The following TCEAL8 variants were observed in gnomAD, a reference collection of about 807,000 sequenced individuals.
The protein encoded by TCEAL8 is transcription elongation factor A like 8.
For synonymous variants in TCEAL8, 41 were observed against 29.6 expected (o/e 1.38, Z -1.25); for missense variants, 78 against 92.0 (o/e 0.85, Z 0.62).
chrX:103,254,984 A>G, intron 1 of TCEAL8, 94 bp downstream of exon 1: 1 of 110,957 alleles, frequency 9.0e-6, no homozygotes, highest in Non-Finnish European at 1.9e-5. Context: ...TTGGCGGAAC[A>G]GAAGTGGGGA....
At position 103,253,944 on chromosome X, in the gene TCEAL8, TG is replaced by T; in HGVS notation, c.35del (p.Pro12HisfsTer31). On this transcript the variant is annotated frameshift_variant, in exon 3 of 3. Coordinates refer to ENST00000372685, the MANE Select transcript of TCEAL8 (RefSeq NM_153333.3). LOFTEE classifies it high-confidence loss of function. ...CTTCCTCGGCCTTTGGCATGTTCTGTGGTTTTCCCTCATTTTCTTCACAAGA... is the reference window on the plus strand; with the variant it reads ...CTTCCTCGGCCTTTGGCATGTTCTGTGTTTTCCCTCATTTTCTTCACAAGA... Reference protein sequence around the residue: ...QKSCEENEGKPQNMPKAEEDR... With the variant: ...QKSCEENEGKXQNMPKAEEDR... 8.3e-7 allele frequency: 1 copy of T among 1,206,437 alleles called. No individual in the cohort carries two copies. Among genetic ancestry groups the T allele is most frequent in the Non-Finnish European group, 1.1e-6 (1 of 892,619 alleles).
At chrX:103,254,457 C>T (rs1263366656) in intron 2 of TCEAL8, 148 bp downstream of exon 2, 1 of 115,331 alleles carries the variant, frequency 8.7e-6, no homozygotes, top group Non-Finnish European at 1.8e-5. Flanking sequence ...TCCCCCGCCT[C>T]ATTTCCGCTG....
chrX:103,254,903 A>T (rs1198760992), intron 1 of TCEAL8, among the ~76,000 whole-genome samples, 175 bp downstream of exon 1: 2 of 110,140 alleles, frequency 1.8e-5, no homozygotes, highest in African/African-American at 6.6e-5. Context: ...ACCCTTAATT[A>T]GCTACCCTTC....
chrX:103,253,784 G>A lies in TCEAL8; in HGVS notation c.196C>T (p.Pro66Ser), dbSNP rs1220370012. The part of the protein sequence containing the change: ...QPGQGFKEDT[P>S]VRHLDPEEMI... ...TCTTCAGGGTCCAAATGCCTAACGG[G>A]TGTGTCCTCTTTAAATCCCTGGCCA... The change falls in exon 3 of 3, where the codon CCC becomes TCC. Residue 66 changes from proline to serine, a missense_variant. Physicochemically the swap from Pro to Ser is moderately conservative, Grantham distance 74 (BLOSUM62 -1). Coordinates refer to ENST00000372685, the MANE Select transcript of TCEAL8 (RefSeq NM_153333.3). The A allele has an allele frequency of 8.3e-7, 1 of 1,210,177 alleles. No individual in the cohort carries two copies. The highest frequency in any genetic ancestry group is 1.7e-5 in the African/African-American group (1 of 57,144).
chrX:103,254,026 C>T lies in TCEAL8; in HGVS notation c.-38-9G>A. 9.3e-7 allele frequency: 1 copy of T among 1,078,422 alleles called. No homozygotes were observed. The allele number at this position is 1,078,422 out of a possible 1,213,427, so 88.9% of individuals were successfully genotyped here. A position where few individuals can be genotyped will look rare whatever the true frequency, so the allele number is the denominator to read the frequency against. On this transcript the variant is annotated splice_polypyrimidine_tract_variant and intron_variant, in intron 2 of 2. Coordinates refer to ENST00000372685, the MANE Select transcript of TCEAL8 (RefSeq NM_153333.3). ...TTTTGAATAAATTAATCCTAGAAAA[C>T]AAGGAAACAAAACTACTAGATTCCA...
At position 103,253,353 on chromosome X, in the gene TCEAL8, T is replaced by C. The variant is rs1036584263; in HGVS notation, c.*273A>G. 5.8e-6 allele frequency: 2 copies of C among 343,727 alleles called. No individual in the cohort carries two copies. The highest frequency in any genetic ancestry group is 1.0e-5 in the Non-Finnish European group (2 of 199,927). The allele number at this position is 343,727 out of a possible 1,213,427, so 28.3% of individuals were successfully genotyped here. A position where few individuals can be genotyped will look rare whatever the true frequency, so the allele number is the denominator to read the frequency against. ...ATTTTATCCTACATATGTGAGCTGA[T>C]ATTAAATATGCTGCTTTGCCATAAC... is the stretch of plus-strand genomic sequence containing the variant. On this transcript the variant is annotated 3_prime_UTR_variant, in exon 3 of 3. Transcript: ENST00000372685.
chrX:103,253,814 G>C lies in TCEAL8; in HGVS notation c.166C>G (p.Gln56Glu), dbSNP rs1925165197. The change falls in exon 3 of 3, where the codon CAG becomes GAG. Residue 56 changes from glutamine (Q) to glutamate (E), a missense_variant. Physicochemically the swap from Gln to Glu is conservative, Grantham distance 29 (BLOSUM62 2). Coordinates refer to ENST00000372685, the MANE Select transcript of TCEAL8 (RefSeq NM_153333.3). ...TCCTCTTTAAATCCCTGGCCAGGCTGATTCGGCCCTCCTCTGGGGTTTCCT... is the reference window on the plus strand; with the variant it reads ...TCCTCTTTAAATCCCTGGCCAGGCTCATTCGGCCCTCCTCTGGGGTTTCCT... ...AEGNPRGGPN[Q>E]PGQGFKEDTP... 8.3e-7 allele frequency: 1 copy of C among 1,210,352 alleles called. No individual in the cohort carries two copies. Among genetic ancestry groups the C allele is most frequent in the Admixed American group, 2.2e-5 (1 of 45,853 alleles).
In TCEAL8 at chrX:103,253,035, T is replaced by C. The variant is rs1925144267; in HGVS notation, c.*591A>G. On this transcript the variant is annotated 3_prime_UTR_variant, in exon 3 of 3. Transcript: ENST00000372685. The stretch of plus-strand genomic sequence containing the variant: ...CCAGTTTATTCCTCTGGCTAAGAGA[T>C]CCAGAGGTAATTTGAGGTTTACATT... 1 of 121,744 alleles carries C rather than the reference T, an allele frequency of 8.2e-6. No homozygotes were observed. Among genetic ancestry groups the C allele is most frequent in the African/African-American group, 3.2e-5 (1 of 30,785 alleles). 10.0% of individuals were successfully genotyped at this position (121,744 alleles called of 1,213,427 possible).
chrX:103,254,966 A>G (rs1602953095), intron 1 of TCEAL8, 112 bp downstream of exon 1: 4 of 110,542 alleles, frequency 3.6e-5, no homozygotes, highest in South Asian at 4.0e-4. Context: ...CCTGCACAAA[A>G]TGGGAGTTTG....
chrX:103,253,539 A>G lies in TCEAL8; in HGVS notation c.*87T>C. 3.8e-6 allele frequency: 3 copies of G among 798,255 alleles called. No homozygotes were observed. The East Asian group carries it at 1.0e-4, about 27-fold the overall frequency. 65.8% of individuals were successfully genotyped at this position (798,255 alleles called of 1,213,427 possible). The stretch of plus-strand genomic sequence containing the variant: ...TAAAACAAAATTTCATCAGATGATT[A>G]AAAGTAAAATGGAGGTCAAAGATAC... On this transcript the variant is annotated 3_prime_UTR_variant, in exon 3 of 3. Coordinates refer to ENST00000372685, the MANE Select transcript of TCEAL8 (RefSeq NM_153333.3).
In TCEAL8 at chrX:103,253,465, T is replaced by A; in HGVS notation, c.*161A>T. The A allele has an allele frequency of 2.3e-6, 1 of 426,300 alleles. No homozygotes were observed. The highest frequency in any genetic ancestry group is 3.8e-5 in the East Asian group (1 of 26,187). 35.1% of individuals were successfully genotyped at this position (426,300 alleles called of 1,213,427 possible). ...CCAATTGAAAAATAGACCTGGAAAATGGGTCAAAATCCAAAATCCAATGAG... is the reference window on the plus strand; with the variant it reads ...CCAATTGAAAAATAGACCTGGAAAAAGGGTCAAAATCCAAAATCCAATGAG... On this transcript the variant is annotated 3_prime_UTR_variant, in exon 3 of 3. Transcript: ENST00000372685.
chrX:103,253,863 T>C lies in TCEAL8; in HGVS notation c.117A>G (p.Glu39=), dbSNP rs1925168336. 1 of 1,210,924 alleles carries C rather than the reference T, an allele frequency of 8.3e-7. No homozygotes were observed. Among genetic ancestry groups the C allele is most frequent in the African/African-American group, 1.7e-5 (1 of 57,445 alleles). The part of the protein sequence containing the change: ...QEAEGNPQPS[E]EGVSQEAEGN... ...CTTCTGCTTCCTGGCTTACGCCTTC[T>C]TCGGAAGGTTGAGGATTTCCTTCTG... Residue 39 remains glutamate, a synonymous_variant, in exon 3 of 3, where the codon GAA becomes GAG. Coordinates refer to ENST00000372685, the MANE Select transcript of TCEAL8 (RefSeq NM_153333.3).
rs1171066308 is a variant in TCEAL8, at chrX:103,253,769, C to T, written c.211G>A (p.Asp71Asn). 4.1e-6 allele frequency: 5 copies of T among 1,212,028 alleles called. No individual in the cohort carries two copies. Among genetic ancestry groups the T allele is most frequent in the Non-Finnish European group, 5.6e-6 (5 of 895,572 alleles). The change falls in exon 3 of 3, where the codon GAC (aspartate) becomes AAC (asparagine). Residue 71 changes from aspartate to asparagine, a missense_variant. Physicochemically the swap from Asp to Asn is conservative, Grantham distance 23. Transcript: ENST00000372685. ...ACTCCTCTTATCATTTCTTCAGGGTCCAAATGCCTAACGGGTGTGTCCTCT... is the reference window on the plus strand; with the variant it reads ...ACTCCTCTTATCATTTCTTCAGGGTTCAAATGCCTAACGGGTGTGTCCTCT... ...FKEDTPVRHL[D>N]PEEMIRGVDE...
chrX:103,253,554 G>GTCAAAGA lies in TCEAL8; in HGVS notation c.*65_*71dup. The GTCAAAGA allele has an allele frequency of 2.2e-6, 2 of 907,524 alleles. No homozygotes were observed. Among genetic ancestry groups the GTCAAAGA allele is most frequent in the Admixed American group, 6.9e-5 (2 of 29,045 alleles). The allele number at this position is 907,524 out of a possible 1,213,427, so 74.8% of individuals were successfully genotyped here. ...TCAGATGATTAAAAGTAAAATGGAG[G>GTCAAAGA]TCAAAGATACATCAGAAAATGCTAA... On this transcript the variant is annotated 3_prime_UTR_variant, in exon 3 of 3. Transcript: ENST00000372685.
intron 2 of TCEAL8, among the ~76,000 whole-genome samples, chrX:103,254,358 A>T (rs1925180605): frequency 9.1e-6 from 1 of 110,318 alleles, no homozygotes; most frequent in African/African-American, 3.3e-5. Flanking sequence ...AGACTTTCCC[A>T]GGCCCTCTCA....
intron 1 of TCEAL8, among the ~76,000 whole-genome samples, 163 bp downstream of exon 1, chrX:103,254,915 C>A (rs1247407417): frequency 9.1e-6 from 1 of 110,432 alleles, no homozygotes; most frequent in Non-Finnish European, 1.9e-5. Context: ...CTACCCTTCT[C>A]TCTCTCCACC....
At position 103,253,432 on chromosome X, in the gene TCEAL8, G is replaced by T. The variant is rs997828571; in HGVS notation, c.*194C>A. Reference sequence around the variant, plus strand: ...TGAACATATTCCCATGCAAATGTGTGAAAGTTTCCAATTGAAAAATAGACC... The same window carrying T: ...TGAACATATTCCCATGCAAATGTGTTAAAGTTTCCAATTGAAAAATAGACC... On this transcript the variant is annotated 3_prime_UTR_variant, in exon 3 of 3. Coordinates refer to ENST00000372685, the MANE Select transcript of TCEAL8 (RefSeq NM_153333.3). 4.8e-6 allele frequency: 2 copies of T among 415,558 alleles called. No individual in the cohort carries two copies. The highest frequency in any genetic ancestry group is 8.3e-6 in the Non-Finnish European group (2 of 242,179). The allele number at this position is 415,558 out of a possible 1,213,427, so 34.2% of individuals were successfully genotyped here. A position where few individuals can be genotyped will look rare whatever the true frequency, so the allele number is the denominator to read the frequency against.
intron 1 of TCEAL8, 45 bp downstream of exon 1, chrX:103,255,033 C>A (rs1303255783): frequency 5.4e-5 from 6 of 110,845 alleles, no homozygotes; most frequent in African/African-American, 2.0e-4. Flanking sequence ...CTCTCGGCCT[C>A]CTCGACCCCA....
rs41309522 is a variant in TCEAL8, at chrX:103,253,982, T to C, written c.-3A>G. Reference sequence around the variant, plus strand: ...TTTTCTTCACAAGACTTTTGCATATTGAGTATTTTTTATTTCCTTTTTGAA... The same window carrying C: ...TTTTCTTCACAAGACTTTTGCATATCGAGTATTTTTTATTTCCTTTTTGAA... On this transcript the variant is annotated 5_prime_UTR_variant, in exon 3 of 3. Transcript: ENST00000372685. 776 of 1,168,681 alleles carry C rather than the reference T, an allele frequency of 6.6e-4. No homozygotes were observed. The highest frequency in any genetic ancestry group is 8.5e-4 in the Non-Finnish European group (735 of 868,647).
Sources: allele counts gnomAD v4.1 joint callset (sites outside exome capture counted in the v4.1 genomes callset), GRCh38; gene constraint gnomAD v4.1.1; transcripts MANE v1.5; gene names NCBI Gene and HGNC (gene_info 2026-07-23, HGNC 2026-07-21).